ABCA13: variants seen among roughly 807,000 people sequenced by gnomAD.
ABCA13 encodes the protein ATP binding cassette subfamily A member 13.
A neutral mutation model predicts 478.7 loss-of-function variants in ABCA13; 476 were observed. The observed-to-expected ratio is 0.99, with a 90% CI of 0.92 to 1.07. The LOEUF (loss-of-function observed/expected upper bound fraction) is 1.07, where lower values mean the gene tolerates loss of function less well. Among genes scored for constraint, ABCA13 ranks in the 50% least tolerant of loss-of-function variants. The probability of loss-of-function intolerance (pLI) is 0.00; values close to 1 mark genes in which losing one functional copy is unlikely to be tolerated. For missense variants in ABCA13, 6,060 were observed against 5,910.6 expected, an observed-to-expected ratio of 1.03 and a Z score of -0.83; for synonymous variants, 2,252 against 2,158.9, an observed-to-expected ratio of 1.04 and a Z score of -1.20.
At chr7:48,329,181 A>G (rs902906219) in intron 27 of ABCA13, among the ~76,000 whole-genome samples, 1 of 152,234 alleles carries the variant, frequency 6.6e-6, no homozygotes, top group African/African-American at 2.4e-5. Context: ...AACATAATGC[A>G]TCTGTTTTTG....
At chr7:48,238,433 T>G (rs982826464) in intron 8 of ABCA13, among the ~76,000 whole-genome samples, 2 of 152,134 alleles carry the variant, frequency 1.3e-5, no homozygotes, top group African/African-American at 4.8e-5. Context: ...CATAAGTATT[T>G]ACAAAGCAGT....
At chr7:48,236,466 T>C (rs1789966010) in intron 8 of ABCA13, among the ~76,000 whole-genome samples, 2 of 152,222 alleles carry the variant, frequency 1.3e-5, no homozygotes, top group Admixed American at 1.3e-4. Flanking sequence ...CTCAAAATAA[T>C]CCATATGCCA....
At chr7:48,438,670 C>T (rs1274827204) in intron 42 of ABCA13, among the ~76,000 whole-genome samples, 1 of 151,304 alleles carries the variant, frequency 6.6e-6, no homozygotes, top group Non-Finnish European at 1.5e-5. Context: ...AAAATTTTAC[C>T]AGTTTCTTTA....
chr7:48,455,005 C>T lies in ABCA13; in HGVS notation c.12566-32C>T, dbSNP rs778551544. 2.1e-5 allele frequency: 31 copies of T among 1,469,978 alleles called. No individual in the cohort carries two copies. In the Admixed American group the frequency reaches 7.1e-4, roughly 34 times the overall value. The allele number at this position is 1,469,978 out of a possible 1,614,324, so 91.1% of individuals were successfully genotyped here. A position where few individuals can be genotyped will look rare whatever the true frequency, so the allele number is the denominator to read the frequency against. On this transcript the variant is annotated intron_variant, in intron 42 of 61. Transcript: ENST00000435803. Reference sequence around the variant, plus strand: ...AGCGCTGTCACCTCCGCAGAGCTGACCCAGCCGCCCTTCCTCCCGCCCGTC... The same window carrying T: ...AGCGCTGTCACCTCCGCAGAGCTGATCCAGCCGCCCTTCCTCCCGCCCGTC...
intron 48 of ABCA13, among the ~76,000 whole-genome samples, chr7:48,493,183 T>C (rs1193506292): frequency 6.6e-6 from 1 of 152,224 alleles, no homozygotes; most frequent in African/African-American, 2.4e-5. Context: ...GATGTTTGTG[T>C]TTTCTAAAGT....
chr7:48,343,241 T>G (rs1010170947), intron 29 of ABCA13, among the ~76,000 whole-genome samples: 2 of 152,220 alleles, frequency 1.3e-5, no homozygotes, highest in Non-Finnish European at 2.9e-5. Flanking sequence ...GATAATGTTA[T>G]TTTCCTGCTT....
intron 58 of ABCA13, among the ~76,000 whole-genome samples, chr7:48,597,093 A>G (rs934441650): frequency 2.6e-5 from 4 of 151,802 alleles, no homozygotes; most frequent in Non-Finnish European, 5.9e-5. Context: ...CTGGGACTAC[A>G]GGCACCTGCC....
rs1585034155 is a variant in ABCA13 at position 48,367,910 on chromosome 7, T to G, written c.10803+2T>G. On this transcript the variant is annotated splice_donor_variant, in intron 32 of 61. Coordinates refer to ENST00000435803, the MANE Select transcript of ABCA13 (RefSeq NM_152701.5). LOFTEE classifies it high-confidence loss of function. Reference sequence around the variant, plus strand: ...GAGCAGGAGATACAGATAGAAGAGGTAAATATCCTTAAACCTTGCCTGGGA... The same window carrying G: ...GAGCAGGAGATACAGATAGAAGAGGGAAATATCCTTAAACCTTGCCTGGGA... 6.4e-7 allele frequency: 1 copy of G among 1,556,834 alleles called. No homozygotes were observed. Among genetic ancestry groups the G allele is most frequent in the South Asian group, 1.2e-5 (1 of 84,378 alleles).
intron 48 of ABCA13, among the ~76,000 whole-genome samples, chr7:48,491,683 T>C (rs748101189): frequency 3.9e-5 from 6 of 152,168 alleles, no homozygotes; most frequent in Non-Finnish European, 8.8e-5. Flanking sequence ...ATACAATACA[T>C]AGCACCACAG....
chr7:48,496,319 T>C (rs2130766422), intron 48 of ABCA13, among the ~76,000 whole-genome samples: 1 of 152,222 alleles, frequency 6.6e-6, no homozygotes, highest in South Asian at 2.1e-4. Flanking sequence ...CTACTGATAT[T>C]GTTATTTACT....
intron 54 of ABCA13, 89 bp downstream of exon 54, chr7:48,524,529 G>C: frequency 8.0e-7 from 1 of 1,248,766 alleles, no homozygotes; most frequent in Admixed American, 3.2e-5. Context: ...CAGAATATTT[G>C]AAATCAGAGC....
chr7:48,593,933 T>C (rs1393179619), intron 57 of ABCA13, among the ~76,000 whole-genome samples: 3 of 152,136 alleles, frequency 2.0e-5, no homozygotes, highest in Non-Finnish European at 4.4e-5. Context: ...GATAGCCTTG[T>C]GGATGTATGT....
chr7:48,533,880 G>A (rs1376450064), intron 55 of ABCA13, among the ~76,000 whole-genome samples: 1 of 151,946 alleles, frequency 6.6e-6, no homozygotes, highest in Non-Finnish European at 1.5e-5. Flanking sequence ...TTAAGCTTAT[G>A]TGTATCCTTA....
At chr7:48,616,439 C>T (rs1239983430) in intron 59 of ABCA13, among the ~76,000 whole-genome samples, 1 of 152,104 alleles carries the variant, frequency 6.6e-6, no homozygotes, top group African/African-American at 2.4e-5. Context: ...TTATGAATGC[C>T]TACATAAAGT....
intron 3 of ABCA13, among the ~76,000 whole-genome samples, chr7:48,218,852 A>G (rs937436481): frequency 2.0e-5 from 3 of 152,196 alleles, no homozygotes; most frequent in Non-Finnish European, 4.4e-5. Context: ...TTGTGATGTA[A>G]GCTTTGTTAT....
chr7:48,487,485 GT>G lies in ABCA13; in HGVS notation c.13183-1741del, dbSNP rs201697188. Among the ~76,000 whole-genome samples, 84 of 149,098 alleles carry G rather than the reference GT, an allele frequency of 5.6e-4. No individual in the cohort carries two copies. In the East Asian group the frequency reaches 0.012, roughly 21 times the overall value. ...TACTGTAGTGTGGTGTCATTTTTAA[GT>G]TTTTTTTTTAATCACTCTACTTTTA... On this transcript the variant is annotated intron_variant, in intron 47 of 61. Coordinates refer to ENST00000435803, the MANE Select transcript of ABCA13 (RefSeq NM_152701.5).
intron 55 of ABCA13, among the ~76,000 whole-genome samples, chr7:48,555,305 A>C (rs1366517875): frequency 2.0e-5 from 3 of 151,384 alleles, no homozygotes; most frequent in Non-Finnish European, 4.4e-5. Context: ...TTTTTTTGAT[A>C]TATTGTCTGA....
chr7:48,259,455 A>C (rs1793860271), intron 15 of ABCA13, among the ~76,000 whole-genome samples: 1 of 152,128 alleles, frequency 6.6e-6, no homozygotes, highest in South Asian at 2.1e-4. Flanking sequence ...TTTGCTTGGT[A>C]GATTTTTCTT....
intron 58 of ABCA13, among the ~76,000 whole-genome samples, chr7:48,595,091 CT>C (rs1481424880): frequency 1.3e-5 from 2 of 152,172 alleles, no homozygotes; most frequent in African/African-American, 2.4e-5. Flanking sequence ...TCATCCATTG[CT>C]ACTGTTCAAG....
Sources: allele counts gnomAD v4.1 joint callset (sites outside exome capture counted in the v4.1 genomes callset), GRCh38; gene constraint gnomAD v4.1.1; transcripts MANE v1.5; gene names NCBI Gene and HGNC (gene_info 2026-07-23, HGNC 2026-07-21).